Variants in DIAPH2 observed in about 807,000 individuals in gnomAD.
The protein encoded by DIAPH2 is diaphanous related formin 2.
In DIAPH2, 35 loss-of-function variants were observed where a neutral mutation model predicts 92.7. That is an observed-to-expected ratio of 0.38 (90% CI 0.29 to 0.50). DIAPH2 has a LOEUF of 0.50. DIAPH2 is among the 20% of genes least tolerant of loss of function. The pLI, the probability that DIAPH2 is intolerant of heterozygous loss-of-function variation, is 0.94. For missense variants in DIAPH2, 701 were observed against 819.5 expected (o/e 0.86, Z 1.77); for synonymous variants, 301 against 280.4 (o/e 1.07, Z -0.73).
At chrX:96,856,632 C>A (rs1473206599) in intron 4 of DIAPH2, among the ~76,000 whole-genome samples, 1 of 109,958 alleles carries the variant, frequency 9.1e-6, no homozygotes, top group Non-Finnish European at 1.9e-5. Context: ...AATAAGCTTA[C>A]TGATCATTCA....
intron 4 of DIAPH2, among the ~76,000 whole-genome samples, chrX:96,815,225 C>T (rs2064722383): frequency 1.8e-5 from 2 of 112,068 alleles, no homozygotes; most frequent in African/African-American, 6.5e-5. Context: ...TGTTTACCTA[C>T]TCAAGCCTCA....
intron 4 of DIAPH2, among the ~76,000 whole-genome samples, chrX:96,758,874 A>G (rs764562305): frequency 1.3e-3 from 142 of 111,126 alleles, no homozygotes; most frequent in African/African-American, 4.4e-3. Context: ...TTATTAGGAA[A>G]CTGTGTGTTT....
intron 23 of DIAPH2, among the ~76,000 whole-genome samples, chrX:97,251,262 A>G (rs1428385213): frequency 8.9e-6 from 1 of 111,809 alleles, no homozygotes; most frequent in Non-Finnish European, 1.9e-5. Flanking sequence ...ACAGGGAAAA[A>G]CCATGTATTT....
intron 4 of DIAPH2, among the ~76,000 whole-genome samples, chrX:96,785,230 G>A (rs889932285): frequency 9.0e-6 from 1 of 111,269 alleles, no homozygotes; most frequent in Non-Finnish European, 1.9e-5. Context: ...AAGAGTAAGA[G>A]TTGTTATTTT....
At chrX:96,927,716 C>T (rs1438525191) in intron 9 of DIAPH2, among the ~76,000 whole-genome samples, 2 of 111,145 alleles carry the variant, frequency 1.8e-5, no homozygotes, top group Non-Finnish European at 3.8e-5. Context: ...CATGTGTTCA[C>T]ATGCATATAC....
chrX:97,320,877 G>A (rs888992833), intron 23 of DIAPH2, among the ~76,000 whole-genome samples: 2 of 111,524 alleles, frequency 1.8e-5, no homozygotes, highest in Non-Finnish European at 3.8e-5. Context: ...AACATATTCA[G>A]CATAGAAGGA....
intron 22 of DIAPH2, among the ~76,000 whole-genome samples, chrX:97,238,979 C>G (rs368324359): frequency 2.7e-5 from 3 of 111,546 alleles, no homozygotes; most frequent in African/African-American, 9.8e-5. Context: ...TATAGACTTG[C>G]AAGAGTAAAT....
intron 26 of DIAPH2, among the ~76,000 whole-genome samples, chrX:97,518,927 T>C (rs1205698993): frequency 9.0e-6 from 1 of 111,668 alleles, no homozygotes; most frequent in African/African-American, 3.3e-5. Flanking sequence ...TTTCTAATGT[T>C]CCTGGATGGT....
At chrX:97,222,966 C>T (rs1247856584) in intron 22 of DIAPH2, among the ~76,000 whole-genome samples, 1 of 110,796 alleles carries the variant, frequency 9.0e-6, no homozygotes, top group African/African-American at 3.3e-5. Flanking sequence ...GGACCATAGA[C>T]CTGTGCCACC....
chrX:97,049,912 A>G (rs1412281827), intron 17 of DIAPH2, among the ~76,000 whole-genome samples: 1 of 111,278 alleles, frequency 9.0e-6, no homozygotes, highest in Non-Finnish European at 1.9e-5. Flanking sequence ...CTGTGCAGGC[A>G]GCTCTATTTC....
intron 1 of DIAPH2, among the ~76,000 whole-genome samples, chrX:96,729,648 T>C (rs1046917760): frequency 2.7e-5 from 3 of 112,352 alleles, no homozygotes; most frequent in Admixed American, 1.9e-4. Context: ...CCCTATACTG[T>C]GATGTCATAT....
intron 23 of DIAPH2, among the ~76,000 whole-genome samples, chrX:97,254,768 G>A (rs1431991829): frequency 1.8e-5 from 2 of 108,326 alleles, no homozygotes; most frequent in Non-Finnish European, 3.8e-5. Context: ...CTGTTGGCCA[G>A]GCTGGAGTGC....
At chrX:97,262,615 G>T (rs1362950963) in intron 23 of DIAPH2, among the ~76,000 whole-genome samples, 1 of 111,970 alleles carries the variant, frequency 8.9e-6, no homozygotes, top group Non-Finnish European at 1.9e-5. Context: ...GGTTGTCGGG[G>T]TGATGAATCA....
At chrX:96,985,959 G>A (rs151228761) in intron 17 of DIAPH2, among the ~76,000 whole-genome samples, 3 of 110,915 alleles carry the variant, frequency 2.7e-5, no homozygotes, top group African/African-American at 6.5e-5. Context: ...GAAAGGAATC[G>A]ATATGTCAAC....
At chrX:97,097,186 C>A (rs594294) in intron 19 of DIAPH2, among the ~76,000 whole-genome samples, 15,776 of 111,120 alleles carry the variant, frequency 0.14, 1,821 homozygotes, top group African/African-American at 0.39. Context: ...TTGTCTACAA[C>A]GTTTAGTATG....
At chrX:96,861,222 TA>T (rs2065070594) in intron 4 of DIAPH2, among the ~76,000 whole-genome samples, 1 of 111,178 alleles carries the variant, frequency 9.0e-6, no homozygotes, top group Non-Finnish European at 1.9e-5. Context: ...CATTGGAGGT[TA>T]AAAAAATCTA....
intron 22 of DIAPH2, among the ~76,000 whole-genome samples, chrX:97,236,545 A>ATT (rs200824073): frequency 4.1e-4 from 36 of 87,490 alleles, no homozygotes; most frequent in African/African-American, 7.6e-4. Context: ...TTTCATTTTC[A>ATT]TTTTTTTTTT....
At chrX:97,502,647 G>A (rs769320104) in intron 26 of DIAPH2, among the ~76,000 whole-genome samples, 1 of 112,315 alleles carries the variant, frequency 8.9e-6, no homozygotes, top group African/African-American at 3.2e-5. Flanking sequence ...AAATCTTATT[G>A]TTAATTGCAA....
chrX:97,234,395 AC>A (rs767433127), intron 22 of DIAPH2, among the ~76,000 whole-genome samples: 1 of 109,412 alleles, frequency 9.1e-6, no homozygotes, highest in Admixed American at 9.8e-5. Context: ...TAGGCAATCC[AC>A]TTTTGTTTTC....
Sources: allele counts gnomAD v4.1 joint callset (sites outside exome capture counted in the v4.1 genomes callset), GRCh38; gene constraint gnomAD v4.1.1; transcripts MANE v1.5; gene names NCBI Gene and HGNC (gene_info 2026-07-23, HGNC 2026-07-21).